The following WHRN variants were observed in gnomAD, a reference collection of about 807,000 sequenced individuals.
WHRN encodes the protein CASK-interacting protein CIP98.
A neutral mutation model predicts 68.3 loss-of-function variants in WHRN; 41 were observed. That is an observed-to-expected ratio of 0.60 (90% CI 0.47 to 0.78). The LOEUF (loss-of-function observed/expected upper bound fraction) is 0.78, where lower values mean the gene tolerates loss of function less well. Ranked by LOEUF, WHRN falls within the 30% of genes least tolerant of loss-of-function variation. The probability of loss-of-function intolerance (pLI) is 0.00; values close to 1 mark genes in which losing one functional copy is unlikely to be tolerated. For missense variants in WHRN, 1,243 were observed against 1,244.7 expected (o/e 1.00, Z 0.02); for synonymous variants, 560 against 561.3 (o/e 1.00, Z 0.03).
At chr9:114,473,419 C>A (rs995516690) in intron 2 of WHRN, among the ~76,000 whole-genome samples, 3 of 152,176 alleles carry the variant, frequency 2.0e-5, no homozygotes, top group Non-Finnish European at 4.4e-5. Flanking sequence ...ACTGAAGGGA[C>A]CAGGCATAAG....
intron 1 of WHRN, among the ~76,000 whole-genome samples, chr9:114,486,901 T>TAGA (rs1333162618): frequency 1.1e-4 from 9 of 78,318 alleles, no homozygotes; most frequent in African/African-American, 3.0e-4. Flanking sequence ...TGTGTGTGTG[T>TAGA]GTGTAGAGTG....
intron 7 of WHRN, among the ~76,000 whole-genome samples, chr9:114,421,419 C>T (rs919083397): frequency 9.2e-5 from 14 of 152,300 alleles, no homozygotes; most frequent in East Asian, 3.9e-4. Context: ...CTCAGGGCTT[C>T]GGGCTGCTGA....
In WHRN at chr9:114,478,917, C is replaced by T. The variant is rs1012019810; in HGVS notation, c.619-146G>A. On this transcript the variant is annotated intron_variant, in intron 1 of 11. Transcript: ENST00000362057. ...CTGAAGTCCCTTTCCTTCTCTAGCC[C>T]TCGATTTTGTCCTGTGAAAACAAGA... 6.0e-4 allele frequency: 465 copies of T among 774,610 alleles called. 3 individuals carry two copies. Among genetic ancestry groups the T allele is most frequent in the Non-Finnish European group, 7.8e-4 (354 of 455,526 alleles). 48.0% of individuals were successfully genotyped at this position (774,610 alleles called of 1,614,324 possible).
intron 2 of WHRN, among the ~76,000 whole-genome samples, chr9:114,466,973 G>A (rs1203257692): frequency 1.3e-5 from 2 of 150,268 alleles, no homozygotes; most frequent in Non-Finnish European, 3.0e-5. Context: ...CTCCCCAAGG[G>A]TCTCCTGCCT....
chr9:114,436,048 C>A (rs1837821759), intron 3 of WHRN, among the ~76,000 whole-genome samples: 1 of 152,068 alleles, frequency 6.6e-6, no homozygotes, highest in Admixed American at 6.5e-5. Context: ...GAAAAGTCAG[C>A]AAAAATTCAT....
chr9:114,455,702 A>G (rs2132780990), intron 3 of WHRN, among the ~76,000 whole-genome samples: 1 of 139,260 alleles, frequency 7.2e-6, no homozygotes, highest in South Asian at 2.6e-4. Flanking sequence ...CAACAGAGCA[A>G]GACCCTGTCT....
chr9:114,465,723 G>A (rs1007899997), intron 3 of WHRN, among the ~76,000 whole-genome samples: 4 of 152,190 alleles, frequency 2.6e-5, no homozygotes, highest in African/African-American at 9.7e-5. Flanking sequence ...TGTGGCCTGG[G>A]ACAAGTCAGT....
At chr9:114,441,681 A>T (rs10733610) in intron 3 of WHRN, among the ~76,000 whole-genome samples, 1 of 152,074 alleles carries the variant, frequency 6.6e-6, no homozygotes, top group African/African-American at 2.4e-5. Context: ...AAATAATGCC[A>T]ATCATAAATA....
chr9:114,449,936 C>A (rs1839174102), intron 3 of WHRN, among the ~76,000 whole-genome samples: 1 of 152,014 alleles, frequency 6.6e-6, no homozygotes, highest in Non-Finnish European at 1.5e-5. Context: ...ATAGGTGGTA[C>A]TATTATTATC....
At chr9:114,458,764 A>C (rs1457958490) in intron 3 of WHRN, among the ~76,000 whole-genome samples, 2 of 148,448 alleles carry the variant, frequency 1.3e-5, no homozygotes, top group African/African-American at 4.9e-5. Flanking sequence ...TTGAATGGGG[A>C]GGGTGGGAGT....
intron 3 of WHRN, among the ~76,000 whole-genome samples, chr9:114,461,493 G>C (rs1165119700): frequency 2.0e-5 from 3 of 152,180 alleles, no homozygotes; most frequent in Admixed American, 6.5e-5. Context: ...TCTTTTCACA[G>C]CTGCACAGTC....
At position 114,404,087 on chromosome 9, in the gene WHRN, G is replaced by C. The variant is rs200131193; in HGVS notation, c.2237-10C>G. On this transcript the variant is annotated splice_polypyrimidine_tract_variant and intron_variant, in intron 9 of 11. Transcript: ENST00000362057. ...GAGAGCGTAGAGGCTGCTGGAGAGGGGAAAAGGAAGAGAGAAGCAGCTTAT... is the reference window on the plus strand; with the variant it reads ...GAGAGCGTAGAGGCTGCTGGAGAGGCGAAAAGGAAGAGAGAAGCAGCTTAT... The C allele has an allele frequency of 3.2e-4, 515 of 1,611,878 alleles. No homozygotes were observed. Among genetic ancestry groups the C allele is most frequent in the Middle Eastern group, 6.6e-4 (4 of 6,062 alleles).
intron 7 of WHRN, among the ~76,000 whole-genome samples, chr9:114,411,239 C>T (rs979550809): frequency 1.3e-5 from 2 of 152,206 alleles, no homozygotes; most frequent in African/African-American, 4.8e-5. Flanking sequence ...GAGTCCAATG[C>T]TCCCTGGAAG....
intron 1 of WHRN, among the ~76,000 whole-genome samples, chr9:114,495,183 G>A (rs577660496): frequency 1.3e-5 from 2 of 152,390 alleles, no homozygotes; most frequent in Middle Eastern, 3.4e-3. Flanking sequence ...ACCAGGTTGA[G>A]GAGCTTGGCG....
At chr9:114,456,116 G>T (rs1201249457) in intron 3 of WHRN, among the ~76,000 whole-genome samples, 1 of 139,106 alleles carries the variant, frequency 7.2e-6, no homozygotes, top group African/African-American at 2.7e-5. Context: ...TCTGTATTGA[G>T]AATGTGTAAA....
At chr9:114,462,370 A>G (rs1403742798) in intron 3 of WHRN, among the ~76,000 whole-genome samples, 1 of 152,166 alleles carries the variant, frequency 6.6e-6, no homozygotes, top group Non-Finnish European at 1.5e-5. Flanking sequence ...TCAGGCCAGG[A>G]AACTGTACAG....
At chr9:114,485,151 A>T (rs975089727) in intron 1 of WHRN, among the ~76,000 whole-genome samples, 2 of 152,230 alleles carry the variant, frequency 1.3e-5, no homozygotes, top group African/African-American at 4.8e-5. Context: ...GCAGACCTCA[A>T]AGGGCAAGGT....
At chr9:114,423,178 C>T in intron 7 of WHRN, 136 bp downstream of exon 7, 1 of 924,118 alleles carries the variant, frequency 1.1e-6, no homozygotes, top group African/African-American at 1.6e-5. Context: ...GAGGAAGAAA[C>T]TGAGGCTCAG....
intron 2 of WHRN, among the ~76,000 whole-genome samples, chr9:114,476,144 T>A (rs1273525396): frequency 6.6e-6 from 1 of 151,984 alleles, no homozygotes; most frequent in Non-Finnish European, 1.5e-5. Flanking sequence ...TTTTTAAAAA[T>A]ACTTGTAGAG....
Sources: allele counts gnomAD v4.1 joint callset (sites outside exome capture counted in the v4.1 genomes callset), GRCh38; gene constraint gnomAD v4.1.1; transcripts MANE v1.5; gene names NCBI Gene and HGNC (gene_info 2026-07-23, HGNC 2026-07-21).